The following CHD9 variants were observed in gnomAD, a reference collection of about 807,000 sequenced individuals.
CHD9 encodes chromodomain helicase DNA binding protein 9, also known as ATP-dependent chromatin remodeler CHD9.
A neutral mutation model predicts 316.1 loss-of-function variants in CHD9; 77 were observed. The ratio of observed to expected loss-of-function variants is 0.24; its 90% CI spans 0.20 to 0.29. CHD9 has a LOEUF of 0.29. Ranked by LOEUF, CHD9 falls within the 10% of genes least tolerant of loss-of-function variation. The pLI is 1.00. For synonymous variants in CHD9, 1,129 were observed against 1,158.3 expected, an observed-to-expected ratio of 0.97 and a Z score of 0.51; for missense variants, 2,763 against 3,438.1, an observed-to-expected ratio of 0.80 and a Z score of 4.91.
intron 1 of CHD9, among the ~76,000 whole-genome samples, chr16:53,060,721 G>A (rs963627338): frequency 3.3e-5 from 5 of 151,344 alleles, no homozygotes; most frequent in African/African-American, 7.3e-5. Flanking sequence ...ATGCCACTGC[G>A]CTCCAGCCTG....
intron 1 of CHD9, among the ~76,000 whole-genome samples, chr16:53,075,255 C>T (rs2034424463): frequency 6.6e-6 from 1 of 152,158 alleles, no homozygotes; most frequent in Non-Finnish European, 1.5e-5. Context: ...TAGGAAGTAA[C>T]TAGCTTGCTT....
chr16:53,204,874 C>A (rs551446885), intron 2 of CHD9, among the ~76,000 whole-genome samples: 1 of 151,864 alleles, frequency 6.6e-6, no homozygotes, highest in Non-Finnish European at 1.5e-5. Flanking sequence ...GACAGAGTTT[C>A]GCTCTGTTGC....
At chr16:53,321,708 A>G (rs188167360) in intron 38 of CHD9, 78 bp downstream of exon 38, 143 of 769,560 alleles carry the variant, frequency 1.9e-4, no homozygotes, top group Admixed American at 1.1e-3. Flanking sequence ...ATTAATTATA[A>G]TTAATAAAAT....
intron 1 of CHD9, among the ~76,000 whole-genome samples, chr16:53,141,911 GAGGTGTGAGAAAGTT>G (rs2040144755): frequency 2.0e-5 from 3 of 152,156 alleles, no homozygotes; most frequent in African/African-American, 7.2e-5. Context: ...CATATTAATG[GAGGTGTGAGAAAGTT>G]TGTTGAATTC....
Position 53,156,119 on chromosome 16 carries a change from T to C in CHD9, c.30T>C (p.Asp10=). The change falls in exon 2 of 39, where the codon GAT becomes GAC. Residue 10 remains aspartate (D), a synonymous_variant. Coordinates refer to ENST00000447540, the MANE Select transcript of CHD9 (RefSeq NM_001308319.2). ...CAGATCCAATGATGGACTTTTTTGA[T>C]GATGCCAATCTTTTTGGTGAGACCT... MTDPMMDFF[D]DANLFGETLE... is the part of the protein sequence containing the mutation. 1 of 1,613,396 alleles carries C rather than the reference T, an allele frequency of 6.2e-7. No homozygotes were observed. The highest frequency in any genetic ancestry group is 8.5e-7 in the Non-Finnish European group (1 of 1,179,598).
chr16:53,322,185 C>T (rs987045779), intron 38 of CHD9, among the ~76,000 whole-genome samples: 3 of 151,232 alleles, frequency 2.0e-5, no homozygotes, highest in African/African-American at 4.9e-5. Flanking sequence ...TTAGTAGAGA[C>T]GATATTTCGC....
At chr16:53,220,559 C>A (rs1030192431) in intron 3 of CHD9, among the ~76,000 whole-genome samples, 1 of 152,140 alleles carries the variant, frequency 6.6e-6, no homozygotes, top group Non-Finnish European at 1.5e-5. Flanking sequence ...ATCACATTGC[C>A]CCCTTGCTTA....
chr16:53,088,275 C>CTTTTTTTTTTTTTTT (rs35052198), intron 1 of CHD9, among the ~76,000 whole-genome samples: 2 of 127,050 alleles, frequency 1.6e-5, no homozygotes, highest in African/African-American at 3.0e-5. Context: ...ATGACATGCA[C>CTTTTTTTTTTTTTTT]TTTGTTTTTT....
intron 1 of CHD9, among the ~76,000 whole-genome samples, chr16:53,094,884 C>T (rs931930713): frequency 6.6e-6 from 1 of 152,138 alleles, no homozygotes; most frequent in Non-Finnish European, 1.5e-5. Context: ...GGTGATCTGC[C>T]CGCCTCAGTC....
intron 7 of CHD9, among the ~76,000 whole-genome samples, chr16:53,228,535 G>GTTT: frequency 7.9e-6 from 1 of 126,384 alleles, no homozygotes; most frequent in Non-Finnish European, 1.7e-5. Flanking sequence ...CTCCATGAAA[G>GTTT]TGTTTTTTTT....
At chr16:53,217,754 A>C (rs1161280453) in intron 3 of CHD9, among the ~76,000 whole-genome samples, 1 of 152,070 alleles carries the variant, frequency 6.6e-6, no homozygotes, top group Admixed American at 6.6e-5. Flanking sequence ...CTAGATAGAT[A>C]GATCATTTTA....
chr16:53,282,825 C>T (rs959895809), intron 24 of CHD9, among the ~76,000 whole-genome samples: 9 of 152,170 alleles, frequency 5.9e-5, no homozygotes, highest in East Asian at 1.9e-4. Flanking sequence ...TACCATTCTC[C>T]TGTGGTTTTT....
chr16:53,072,123 A>G (rs2034115433), intron 1 of CHD9, among the ~76,000 whole-genome samples: 1 of 150,706 alleles, frequency 6.6e-6, no homozygotes, highest in Non-Finnish European at 1.5e-5. Flanking sequence ...TCTTCTTTCT[A>G]CCTCCTACTC....
chr16:53,203,455 GT>G (rs1447003305), intron 2 of CHD9, among the ~76,000 whole-genome samples: 1 of 151,994 alleles, frequency 6.6e-6, no homozygotes, highest in Non-Finnish European at 1.5e-5. Context: ...TTCACCACTG[GT>G]TCTCTTCTGT....
rs530787969 is a variant in CHD9, at chr16:53,222,500, C to T, written c.1785-144C>T. The T allele has an allele frequency of 4.7e-5, 27 of 574,998 alleles. 1 individual carries two copies. The highest frequency in any genetic ancestry group is 1.8e-4 in the East Asian group (6 of 33,526). 35.6% of individuals were successfully genotyped at this position (574,998 alleles called of 1,614,324 possible). The stretch of plus-strand genomic sequence containing the variant: ...AGAGTTTATGTTTTGAAAATGTCAA[C>T]GTGGATTTCAGGATGATTATCATCC... On this transcript the variant is annotated intron_variant, in intron 3 of 38. Transcript: ENST00000447540.
chr16:53,304,961 T>C (rs2055819557), intron 31 of CHD9, among the ~76,000 whole-genome samples: 1 of 152,092 alleles, frequency 6.6e-6, no homozygotes. Context: ...CCCAAAGTGC[T>C]GAGATTACAG....
At chr16:53,070,345 A>G (rs761465137) in intron 1 of CHD9, among the ~76,000 whole-genome samples, 1 of 151,104 alleles carries the variant, frequency 6.6e-6, no homozygotes, top group East Asian at 2.0e-4. Context: ...TTTTCCCTCT[A>G]TATTTTCTTC....
intron 24 of CHD9, among the ~76,000 whole-genome samples, chr16:53,284,673 C>T (rs1423458250): frequency 3.3e-5 from 5 of 152,120 alleles, no homozygotes; most frequent in African/African-American, 1.2e-4. Context: ...TCTACAAAAT[C>T]AAATCATTAT....
chr16:53,274,341 G>T, intron 24 of CHD9, 39 bp downstream of exon 24: 4 of 1,325,204 alleles, frequency 3.0e-6, no homozygotes, highest in Non-Finnish European at 4.1e-6. Flanking sequence ...TTTGTTTGTT[G>T]TCTTGCCCAG....
Sources: allele counts gnomAD v4.1 joint callset (sites outside exome capture counted in the v4.1 genomes callset), GRCh38; gene constraint gnomAD v4.1.1; transcripts MANE v1.5; gene names NCBI Gene and HGNC (gene_info 2026-07-23, HGNC 2026-07-21).